The following SLC17A1 variants were observed in gnomAD, a reference collection of about 807,000 sequenced individuals.
SLC17A1 encodes the protein sodium-dependent phosphate transport protein 1.
SLC17A1 carries 51 observed loss-of-function variants against 53.5 expected under a neutral mutation model. The ratio of observed to expected loss-of-function variants is 0.95; its 90% CI spans 0.76 to 1.20. The LOEUF (loss-of-function observed/expected upper bound fraction) is 1.20. SLC17A1 is among the 50% of genes most tolerant of loss of function. SLC17A1 has a pLI of 0.00. For missense variants in SLC17A1, 538 were observed against 568.2 expected, an observed-to-expected ratio of 0.95 and a Z score of 0.54; for synonymous variants, 179 against 198.8, an observed-to-expected ratio of 0.90 and a Z score of 0.84.
At chr6:25,811,294 C>G (rs565133364) in intron 10 of SLC17A1, 104 bp downstream of exon 10, 1 of 1,267,426 alleles carries the variant, frequency 7.9e-7, no homozygotes, top group African/African-American at 1.5e-5. Context: ...CGATTTTAGC[C>G]ATTCCACAAA....
In SLC17A1 at chr6:25,811,717, TAG is replaced by T. The variant is rs767218116; in HGVS notation, c.949_950del (p.Leu317SerfsTer82). ...PYLFAWICGNLAGQLSDFFLT... is the reference protein window; with the variant it reads ...PYLFAWICGNXAGQLSDFFLT... The stretch of plus-strand genomic sequence containing the variant: ...GGAAGAAGTCTGATAACTGACCTGC[TAG>T]GTTACCACAGATCCAGGCAAACAAA... On this transcript the variant is annotated frameshift_variant, in exon 9 of 13. Transcript: ENST00000244527. LOFTEE classifies it high-confidence loss of function. The T allele has an allele frequency of 6.2e-7, 1 of 1,613,772 alleles. No individual in the cohort carries two copies. The highest frequency in any genetic ancestry group is 1.1e-5 in the South Asian group (1 of 91,074).
intron 10 of SLC17A1, among the ~76,000 whole-genome samples, chr6:25,809,939 TAG>T (rs1261262225): frequency 2.6e-5 from 4 of 152,036 alleles, no homozygotes; most frequent in Non-Finnish European, 4.4e-5. Flanking sequence ...TGGAGCAGAA[TAG>T]AGAGTCCAGA....
chr6:25,737,827 A>G, the SLC17A1 span, among the ~76,000 whole-genome samples: 1 of 152,332 alleles, frequency 6.6e-6, no homozygotes, highest in African/African-American at 2.4e-5. Flanking sequence ...GTCCTACATT[A>G]TATAAATTGT....
At chr6:25,770,072 T>C in the SLC17A1 span, 2 of 1,613,816 alleles carry the variant, frequency 1.2e-6, no homozygotes, top group African/African-American at 1.3e-5. Flanking sequence ...TCTAGGCCCC[T>C]GCATATGACT....
At chr6:25,779,346 G>A, downstream of SLC17A1, 1 of 928,360 alleles carries the variant, frequency 1.1e-6, no homozygotes, top group Non-Finnish European at 1.6e-6. Flanking sequence ...TACAGGGGAA[G>A]AAAACACGCT....
At chr6:25,766,703 G>T in the SLC17A1 span, among the ~76,000 whole-genome samples, 12 of 152,128 alleles carry the variant, frequency 7.9e-5, no homozygotes, top group Non-Finnish European at 1.8e-4. Context: ...CTAATCATGA[G>T]AAAAATATCA....
At chr6:25,756,214 C>G in the SLC17A1 span, among the ~76,000 whole-genome samples, 1 of 152,234 alleles carries the variant, frequency 6.6e-6, no homozygotes, top group South Asian at 2.1e-4. Flanking sequence ...GATCTCATCT[C>G]CTACCATTAA....
intron 12 of SLC17A1, among the ~76,000 whole-genome samples, chr6:25,784,141 T>A (rs554478287): frequency 7.9e-5 from 12 of 152,306 alleles, no homozygotes; most frequent in Admixed American, 6.5e-4. Context: ...AATAGACATT[T>A]TCTGGGTTTT....
intron 12 of SLC17A1, among the ~76,000 whole-genome samples, chr6:25,788,676 A>G (rs1342340224): frequency 1.9e-5 from 1 of 53,712 alleles, no homozygotes; most frequent in African/African-American, 5.5e-5. Context: ...AGGAAGGTCC[A>G]GGAGGTGTGG....
the SLC17A1 span, chr6:25,762,079 A>C: frequency 6.3e-7 from 1 of 1,595,136 alleles, no homozygotes; most frequent in Non-Finnish European, 8.6e-7. Flanking sequence ...GTAATCTGGT[A>C]GTAAATAAAA....
chr6:25,812,508 GC>G (rs1314857999), intron 8 of SLC17A1, among the ~76,000 whole-genome samples: 3 of 152,252 alleles, frequency 2.0e-5, no homozygotes, highest in East Asian at 3.9e-4. Flanking sequence ...TTCATAGGAG[GC>G]CCCCAGTCCC....
At chr6:25,744,831 T>C in the SLC17A1 span, among the ~76,000 whole-genome samples, 2 of 152,156 alleles carry the variant, frequency 1.3e-5, no homozygotes, top group Non-Finnish European at 2.9e-5. Flanking sequence ...CTTAATAATG[T>C]AGATTAAACT....
chr6:25,816,454 GC>G (rs909363319), intron 6 of SLC17A1, among the ~76,000 whole-genome samples: 1 of 152,256 alleles, frequency 6.6e-6, no homozygotes, highest in Non-Finnish European at 1.5e-5. Flanking sequence ...ATGATTAGAA[GC>G]AGAGCCATGG....
chr6:25,812,539 G>A (rs886758774), intron 8 of SLC17A1, among the ~76,000 whole-genome samples: 4 of 152,310 alleles, frequency 2.6e-5, no homozygotes, highest in South Asian at 2.1e-4. Flanking sequence ...TGGTGGTGTT[G>A]AGCCTTAAGT....
At chr6:25,831,189 C>G (rs1764934594) in intron 1 of SLC17A1, among the ~76,000 whole-genome samples, 1 of 152,106 alleles carries the variant, frequency 6.6e-6, no homozygotes, top group Admixed American at 6.6e-5. Flanking sequence ...GCCACTGATG[C>G]AAAGCTTTAT....
chr6:25,742,899 TCTC>T, the SLC17A1 span, among the ~76,000 whole-genome samples: 7 of 152,198 alleles, frequency 4.6e-5, no homozygotes, highest in Admixed American at 6.5e-5. Context: ...ACCCAGGAAT[TCTC>T]CTGACAATCT....
the SLC17A1 span, chr6:25,726,401 G>T: frequency 3.1e-6 from 5 of 1,614,106 alleles, no homozygotes; most frequent in Non-Finnish European, 4.2e-6. Flanking sequence ...GCCCCTATCC[G>T]CTCTGCATAG....
chr6:25,779,179 C>A (rs987096665), downstream of SLC17A1: 1 of 1,613,514 alleles, frequency 6.2e-7, no homozygotes, highest in African/African-American at 1.3e-5. Context: ...AGACATTCAC[C>A]CACCTCTGAG....
chr6:25,776,087 A>G, the SLC17A1 span, among the ~76,000 whole-genome samples: 1 of 152,148 alleles, frequency 6.6e-6, no homozygotes, highest in East Asian at 1.9e-4. Flanking sequence ...AATTGCCCTC[A>G]ATAGAGCACC....
Sources: allele counts gnomAD v4.1 joint callset (sites outside exome capture counted in the v4.1 genomes callset), GRCh38; gene constraint gnomAD v4.1.1; transcripts MANE v1.5; gene names NCBI Gene and HGNC (gene_info 2026-07-23, HGNC 2026-07-21).